The following EHMT1 variants were observed in gnomAD, a reference collection of about 807,000 sequenced individuals.
The protein encoded by EHMT1 is histone-lysine N-methyltransferase EHMT1.
In EHMT1, 15 loss-of-function variants were observed where a neutral mutation model predicts 147.2. The observed-to-expected ratio is 0.10, with a 90% confidence interval of 0.07 to 0.16. The LOEUF (loss-of-function observed/expected upper bound fraction) is 0.16, where lower values mean the gene tolerates loss of function less well. EHMT1 is among the 10% of genes least tolerant of loss of function. The pLI is 1.00. For synonymous variants in EHMT1, 795 were observed against 709.6 expected, an observed-to-expected ratio of 1.12 and a Z score of -1.91; for missense variants, 1,587 against 1,772.4, an observed-to-expected ratio of 0.90 and a Z score of 1.88.
At chr9:137,712,839 G>T (rs1944868700) in intron 2 of EHMT1, among the ~76,000 whole-genome samples, 1 of 151,978 alleles carries the variant, frequency 6.6e-6, no homozygotes, top group Non-Finnish European at 1.5e-5. Flanking sequence ...TAAAACCTAA[G>T]AACTTACCAT....
intron 1 of EHMT1, among the ~76,000 whole-genome samples, chr9:137,706,040 T>C (rs1486854987): frequency 8.9e-6 from 1 of 112,128 alleles, no homozygotes; most frequent in African/African-American, 3.4e-5. Flanking sequence ...CTCTGCCTTG[T>C]GCGTTGGGGG....
intron 15 of EHMT1, among the ~76,000 whole-genome samples, chr9:137,789,621 C>T (rs879632312): frequency 5.3e-5 from 8 of 152,252 alleles, no homozygotes; most frequent in Non-Finnish European, 1.2e-4. Context: ...GCCTTCTGAC[C>T]TCTGACCCTT....
At chr9:137,671,596 C>G (rs1046915157) in intron 1 of EHMT1, among the ~76,000 whole-genome samples, 1 of 143,550 alleles carries the variant, frequency 7.0e-6, no homozygotes, top group Non-Finnish European at 1.5e-5. Flanking sequence ...GTGACCTTGG[C>G]TCATTGCAAC....
chr9:137,737,496 G>A (rs1316556482), intron 4 of EHMT1, among the ~76,000 whole-genome samples: 4 of 152,174 alleles, frequency 2.6e-5, no homozygotes, highest in Non-Finnish European at 4.4e-5. Flanking sequence ...CACACCATAT[G>A]CAGAAGTTAG....
rs568866145 is a variant in EHMT1, at chr9:137,775,908, C to T, written c.1791+656C>T. Among the ~76,000 whole-genome samples the T allele has an allele frequency of 1.3e-3, 195 of 151,742 alleles. No homozygotes were observed. The highest frequency in any genetic ancestry group is 6.8e-3 in the Middle Eastern group (2 of 294). Reference sequence around the variant, plus strand: ...GTGTGTGTGTGTGTGTGTCTGTGCGCGCACACATCTGTGTGAGCCTCTGCC... The same window carrying T: ...GTGTGTGTGTGTGTGTGTCTGTGCGTGCACACATCTGTGTGAGCCTCTGCC... On this transcript the variant is annotated intron_variant, in intron 11 of 26. Coordinates refer to ENST00000460843, the MANE Select transcript of EHMT1 (RefSeq NM_024757.5). The surrounding 1 kb of genome is among the most constrained non-coding windows in gnomAD (Gnocchi z 6.1).
In EHMT1 at chr9:137,818,094, G is replaced by A. The variant is rs755818620; in HGVS notation, c.3496G>A (p.Asp1166Asn). The A allele has an allele frequency of 3.1e-6, 5 of 1,614,108 alleles. No individual in the cohort carries two copies. The highest frequency in any genetic ancestry group is 2.7e-5 in the African/African-American group (2 of 74,942). ...GGAGCTGATTTCAGACTCAGAAGCC[G>A]ACGTTCGAGAGGAAGATTCTTACCT... ...VGELISDSEA[D>N]VREEDSYLFD... The change falls in exon 25 of 27, where the codon GAC (aspartate) becomes AAC (asparagine). Residue 1166 changes from aspartate (D) to asparagine (N), a missense_variant. Transcript: ENST00000460843.
intron 2 of EHMT1, among the ~76,000 whole-genome samples, chr9:137,716,087 G>A (rs1474096634): frequency 2.8e-5 from 3 of 107,100 alleles, no homozygotes; most frequent in Admixed American, 1.8e-4. Context: ...GTGTCGTGGT[G>A]GGGGAGGAAG....
chr9:137,784,256 A>T, intron 15 of EHMT1: 1 of 1,516,494 alleles, frequency 6.6e-7, no homozygotes, highest in Non-Finnish European at 8.9e-7. Context: ...CACAGGGAGC[A>T]GGTCCATTCC....
chr9:137,776,487 C>A lies in EHMT1; in HGVS notation c.1792-131C>A. The A allele has an allele frequency of 1.2e-6, 1 of 848,216 alleles. No individual in the cohort carries two copies. Among genetic ancestry groups the A allele is most frequent in the Admixed American group, 2.0e-5 (1 of 48,960 alleles). The allele number at this position is 848,216 out of a possible 1,614,324, so 52.5% of individuals were successfully genotyped here. The stretch of plus-strand genomic sequence containing the variant: ...AACGATGCCTGGGGCCAAGACTGGA[C>A]CCCACCCCGACCCATGGCTCACTCT... On this transcript the variant is annotated intron_variant, in intron 11 of 26. Transcript: ENST00000460843. This position sits in a 1 kb window ranked among gnomAD's most constrained non-coding sequence, Gnocchi z 4.4.
At chr9:137,711,933 G>T (rs1272605748) in intron 2 of EHMT1, among the ~76,000 whole-genome samples, 2 of 152,316 alleles carry the variant, frequency 1.3e-5, no homozygotes, top group Non-Finnish European at 2.9e-5. Context: ...ACTGTGGGCT[G>T]TGGCCCCTGC....
intron 25 of EHMT1, among the ~76,000 whole-genome samples, chr9:137,822,075 C>G (rs1955461109): frequency 6.6e-6 from 1 of 152,210 alleles, no homozygotes; most frequent in Non-Finnish European, 1.5e-5. Flanking sequence ...CCCCAAATCC[C>G]CTGTGAGCCC....
intron 16 of EHMT1, chr9:137,795,338 C>G (rs906494118): frequency 2.0e-5 from 3 of 151,970 alleles, no homozygotes; most frequent in African/African-American, 7.2e-5. Flanking sequence ...AGAGCCTATC[C>G]TGGCAACTCA....
chr9:137,701,149 C>T (rs190570690), intron 1 of EHMT1, among the ~76,000 whole-genome samples: 264 of 150,974 alleles, frequency 1.7e-3, no homozygotes, highest in Admixed American at 2.1e-3. Context: ...ATCCAGTCAG[C>T]TCCTACCAGG....
chr9:137,765,528 A>G (rs1406477486), intron 10 of EHMT1, among the ~76,000 whole-genome samples: 1 of 152,226 alleles, frequency 6.6e-6, no homozygotes, highest in Non-Finnish European at 1.5e-5. Flanking sequence ...ATTAAATTAA[A>G]TGAAACGTAG....
intron 1 of EHMT1, among the ~76,000 whole-genome samples, chr9:137,656,990 C>G (rs1178901283): frequency 6.6e-6 from 1 of 152,162 alleles, no homozygotes; most frequent in Admixed American, 6.5e-5. Context: ...ATTTGCCTGC[C>G]TCAGCCTCCC....
chr9:137,817,539 T>C lies in EHMT1; in HGVS notation c.3461+14T>C, dbSNP rs759744317. On this transcript the variant is annotated intron_variant, in intron 24 of 26. Transcript: ENST00000460843. Reference sequence around the variant, plus strand: ...CTTTGTCTGCGAGTGAGTGAGTCCCTGGGTCACCCCAAGCCTGGTGTCATT... The same window carrying C: ...CTTTGTCTGCGAGTGAGTGAGTCCCCGGGTCACCCCAAGCCTGGTGTCATT... 4.3e-6 allele frequency: 7 copies of C among 1,614,130 alleles called. No individual in the cohort carries two copies. The South Asian group carries it at 6.6e-5, about 15-fold the overall frequency.
chr9:137,830,072 A>G (rs188961423), intron 25 of EHMT1, among the ~76,000 whole-genome samples: 301 of 151,590 alleles, frequency 2.0e-3, no homozygotes, highest in Admixed American at 2.9e-3. Context: ...CTCTGTTTTG[A>G]GTGTTAATGT....
At chr9:137,751,143 A>G (rs1334467225) in intron 6 of EHMT1, among the ~76,000 whole-genome samples, 5 of 152,246 alleles carry the variant, frequency 3.3e-5, no homozygotes, top group Non-Finnish European at 7.3e-5. Flanking sequence ...TAAAGTGTCA[A>G]TATAAAATAT....
rs1221753589 is a variant in EHMT1, at chr9:137,800,870, TC to T, written c.2608-7del. 1 of 1,613,808 alleles carries T rather than the reference TC, an allele frequency of 6.2e-7. No individual in the cohort carries two copies. The highest frequency in any genetic ancestry group is 1.7e-5 in the Admixed American group (1 of 60,010). ...TGGAGCGATGACAGCTTTGTCCTCT[TC>T]CCTGGCAGGATGACGGAGGCTGGAC... On this transcript the variant is annotated splice_polypyrimidine_tract_variant and intron_variant, in intron 17 of 26. Coordinates refer to ENST00000460843, the MANE Select transcript of EHMT1 (RefSeq NM_024757.5).
Sources: allele counts gnomAD v4.1 joint callset (sites outside exome capture counted in the v4.1 genomes callset), GRCh38; gene constraint gnomAD v4.1.1; non-coding constraint Gnocchi (gnomAD v3.1); transcripts MANE v1.5; gene names NCBI Gene and HGNC (gene_info 2026-07-23, HGNC 2026-07-21).